The following LRCH1 variants were observed in gnomAD, a reference collection of about 807,000 sequenced individuals.
LRCH1 encodes the protein leucine-rich repeat and calponin homology domain-containing protein 1.
LRCH1 carries 23 observed loss-of-function variants against 94.9 expected under a neutral mutation model. That is an observed-to-expected ratio of 0.24 (90% CI 0.17 to 0.34). The LOEUF (loss-of-function observed/expected upper bound fraction) is 0.34, where lower values mean the gene tolerates loss of function less well. Ranked by LOEUF, LRCH1 falls within the 10% of genes least tolerant of loss-of-function variation. The pLI is 1.00. For missense variants in LRCH1, 790 were observed against 945.9 expected, an observed-to-expected ratio of 0.84 and a Z score of 2.16; for synonymous variants, 364 against 354.9, an observed-to-expected ratio of 1.03 and a Z score of -0.29.
chr13:46,676,880 C>CA (rs1315602974), intron 3 of LRCH1, among the ~76,000 whole-genome samples: 1 of 152,152 alleles, frequency 6.6e-6, no homozygotes, highest in East Asian at 1.9e-4. Context: ...CGGGCTCAAG[C>CA]AATCCTCCCA....
At chr13:46,675,064 C>A (rs2051652906) in intron 3 of LRCH1, among the ~76,000 whole-genome samples, 1 of 152,180 alleles carries the variant, frequency 6.6e-6, no homozygotes, top group African/African-American at 2.4e-5. Context: ...AACCAAGAGT[C>A]AGGGAAGGGA....
chr13:46,597,514 G>T (rs185477589), intron 1 of LRCH1, among the ~76,000 whole-genome samples: 1 of 151,954 alleles, frequency 6.6e-6, no homozygotes, highest in Non-Finnish European at 1.5e-5. Flanking sequence ...CAGCCACCAC[G>T]CCCGGCTAAT....
chr13:46,664,435 T>C (rs1420631410), intron 2 of LRCH1, among the ~76,000 whole-genome samples: 2 of 152,188 alleles, frequency 1.3e-5, no homozygotes, highest in Non-Finnish European at 2.9e-5. Flanking sequence ...CAAAAATACT[T>C]ATCATTGTGT....
Position 46,558,572 on chromosome 13 carries a change from C to CAAAAAAAAAAAAAAAAAAAAAAAAAAAAA in LRCH1, c.307+4895_307+4896insAAAAAAAAAAAAAAAAAAAAAAAAAAAAA, listed in dbSNP as rs575874794. ...CCAAGACGGTGAAACCCTGTGTCTACAAAAAAAAAAAAAAAAAAAAAAAAA... is the reference window on the plus strand; with the variant it reads ...CCAAGACGGTGAAACCCTGTGTCTACAAAAAAAAAAAAAAAAAAAAAAAAAAAAAAAAAAAAAAAAAAAAAAAAAAAAAA... On this transcript the variant is annotated intron_variant, in intron 1 of 19. Coordinates refer to ENST00000389797, the MANE Select transcript of LRCH1 (RefSeq NM_001164211.2). Among the ~76,000 whole-genome samples the CAAAAAAAAAAAAAAAAAAAAAAAAAAAAA allele has an allele frequency of 1.0e-3, 36 of 34,394 alleles. 2 individuals carry two copies. The highest frequency in any genetic ancestry group is 2.6e-3 in the South Asian group (2 of 766). 22.6% of individuals were successfully genotyped at this position (34,394 alleles called of 152,430 possible).
intron 16 of LRCH1, among the ~76,000 whole-genome samples, chr13:46,722,349 TA>T: frequency 6.6e-6 from 1 of 151,992 alleles, no homozygotes; most frequent in East Asian, 1.9e-4. Flanking sequence ...TGTGCAAGGA[TA>T]AAAATCTCTA....
intron 4 of LRCH1, among the ~76,000 whole-genome samples, chr13:46,682,306 G>A (rs1406998555): frequency 6.6e-6 from 1 of 152,072 alleles, no homozygotes; most frequent in Non-Finnish European, 1.5e-5. Flanking sequence ...CTCTGCACAT[G>A]TCTGTGTCCT....
intron 1 of LRCH1, among the ~76,000 whole-genome samples, chr13:46,554,077 C>A (rs974588630): frequency 6.6e-6 from 1 of 152,264 alleles, no homozygotes; most frequent in Non-Finnish European, 1.5e-5. Context: ...GCTGTGTCGG[C>A]TTCCTGGGCC....
chr13:46,682,915 G>A (rs542005778), intron 4 of LRCH1, among the ~76,000 whole-genome samples: 22 of 152,298 alleles, frequency 1.4e-4, no homozygotes, highest in African/African-American at 3.1e-4. Flanking sequence ...AGCCTCATAG[G>A]GGGTAGTGGA....
chr13:46,714,015 T>C (rs1872198486), intron 15 of LRCH1, among the ~76,000 whole-genome samples: 2 of 152,260 alleles, frequency 1.3e-5, no homozygotes, highest in Admixed American at 6.5e-5. Context: ...AGAATTATTT[T>C]GGTGACTTTT....
chr13:46,622,932 C>T (rs1285604985), intron 1 of LRCH1, among the ~76,000 whole-genome samples: 1 of 152,182 alleles, frequency 6.6e-6, no homozygotes, highest in South Asian at 2.1e-4. Context: ...TCGTACTGCT[C>T]AGAGCTTAGT....
At chr13:46,644,440 C>T (rs932901662) in intron 1 of LRCH1, among the ~76,000 whole-genome samples, 6 of 152,160 alleles carry the variant, frequency 3.9e-5, no homozygotes, top group Admixed American at 2.6e-4. Flanking sequence ...GTAGCTATCC[C>T]ATCCTTAGTG....
rs146299152 is a variant in LRCH1 at position 46,570,640 on chromosome 13, C to G, written c.307+16937C>G. 2.7e-4 allele frequency among the ~76,000 whole-genome samples: 41 copies of G among 152,258 alleles called. No homozygotes were observed. The East Asian group carries it at 7.7e-3, about 29-fold the overall frequency. On this transcript the variant is annotated intron_variant, in intron 1 of 19. Transcript: ENST00000389797. ...TAGTTATAGGTTGCTTAAAAAACAA[C>G]AAAAACAAAAGTTCCTTTTATTCTG...
At position 46,639,218 on chromosome 13, in the gene LRCH1, G is replaced by A. The variant is rs537650240; in HGVS notation, c.308-10983G>A. On this transcript the variant is annotated intron_variant, in intron 1 of 19. Transcript: ENST00000389797. ...ATACCAGCAAAGCAGCAGCCGTAGC[G>A]TCCACAGAGCCTACTTCTCTGCCTT... 1.2e-4 allele frequency among the ~76,000 whole-genome samples: 19 copies of A among 152,258 alleles called. No individual in the cohort carries two copies. In the South Asian group the frequency reaches 2.5e-3, roughly 20 times the overall value.
chr13:46,588,555 A>G (rs2050460141), intron 1 of LRCH1, among the ~76,000 whole-genome samples: 1 of 151,306 alleles, frequency 6.6e-6, no homozygotes, highest in Non-Finnish European at 1.5e-5. Flanking sequence ...ACCTAAATTA[A>G]TTAATTAACA....
chr13:46,564,699 C>G (rs181417040), intron 1 of LRCH1, among the ~76,000 whole-genome samples: 3 of 152,318 alleles, frequency 2.0e-5, no homozygotes, highest in African/African-American at 7.2e-5. Flanking sequence ...TATATTTCTT[C>G]TGTATTATCT....
intron 3 of LRCH1, among the ~76,000 whole-genome samples, chr13:46,677,881 A>G (rs759901338): frequency 5.9e-5 from 9 of 152,210 alleles, no homozygotes; most frequent in Non-Finnish European, 1.2e-4. Context: ...TAACATGCTC[A>G]TGATTCTTTC....
At chr13:46,624,160 A>G (rs2050916947) in intron 1 of LRCH1, among the ~76,000 whole-genome samples, 1 of 152,148 alleles carries the variant, frequency 6.6e-6, no homozygotes, top group African/African-American at 2.4e-5. Context: ...CTGGGATTAT[A>G]GGTGTGAGCC....
At chr13:46,628,186 G>T (rs985203627) in intron 1 of LRCH1, among the ~76,000 whole-genome samples, 1 of 152,136 alleles carries the variant, frequency 6.6e-6, no homozygotes, top group Non-Finnish European at 1.5e-5. Flanking sequence ...ATACACTTTG[G>T]TAAATATGAC....
In LRCH1 at chr13:46,650,340, C is replaced by G; in HGVS notation, c.447C>G (p.Asn149Lys). Residue 149 changes from asparagine (N) to lysine (K), a missense_variant, in exon 2 of 20, where the codon AAC becomes AAG. By Grantham distance (94) the Asn-to-Lys change is moderately conservative. This residue lies in a region of LRCH1 where 194 missense variants were observed against 293.5 expected (regional missense o/e 0.66). Transcript: ENST00000389797. The stretch of plus-strand genomic sequence containing the variant: ...ATCTGCAGATGCTGACTTACCTGAA[C>G]TTGAGGTAGGTTAAACATAAAAGTT... ...IVNLQMLTYLNLSRNQLSALP... is the reference protein window; with the variant it reads ...IVNLQMLTYLKLSRNQLSALP... 6.3e-7 allele frequency: 1 copy of G among 1,591,384 alleles called. No individual in the cohort carries two copies. Among genetic ancestry groups the G allele is most frequent in the Non-Finnish European group, 8.6e-7 (1 of 1,169,276 alleles).
Sources: gnomAD v4.1 joint callset for allele counts (sites outside exome capture counted in the v4.1 genomes callset) on GRCh38, gnomAD v4.1.1 for gene constraint, gnomAD v4.1.1 regional missense constraint, MANE v1.5 for transcripts, NCBI Gene and HGNC (gene_info 2026-07-23, HGNC 2026-07-21) for gene names.